The following FAM83A variants were observed in gnomAD, a reference collection of about 807,000 sequenced individuals.
FAM83A encodes scaffolding CK1 anchoring protein A, also known as protein FAM83A.
Under a neutral mutation model 24.4 loss-of-function variants are expected in FAM83A, and 21 were observed. The observed-to-expected ratio is 0.86, with a 90% confidence interval of 0.61 to 1.24. FAM83A has a LOEUF of 1.24. Among genes scored for constraint, FAM83A ranks in the 50% most tolerant of loss-of-function variants. FAM83A has a pLI of 0.00. For synonymous variants in FAM83A, 270 were observed against 252.4 expected, an observed-to-expected ratio of 1.07 and a Z score of -0.66; for missense variants, 617 against 579.8, an observed-to-expected ratio of 1.06 and a Z score of -0.66.
At chr8:123,206,073 G>A (rs983611173) in intron 3 of FAM83A, among the ~76,000 whole-genome samples, 3 of 151,746 alleles carry the variant, frequency 2.0e-5, no homozygotes, top group African/African-American at 4.8e-5. Context: ...AACCTGAGAG[G>A]CGGAGGTTGC....
chr8:123,207,541 C>A (rs774500355), exon 4 of FAM83A: 1 of 1,560,350 alleles, frequency 6.4e-7, no homozygotes, highest in Admixed American at 1.8e-5. Context: ...CCCACCTCTC[C>A]CCGCGGCCCC....
At chr8:123,196,132 C>T (rs905787957) in intron 3 of FAM83A, among the ~76,000 whole-genome samples, 1 of 152,228 alleles carries the variant, frequency 6.6e-6, no homozygotes, top group Non-Finnish European at 1.5e-5. Context: ...CTGCCTCAGC[C>T]TCCCTTGTAG....
At chr8:123,179,629 G>GGT (rs1823548482), upstream of FAM83A, 1 of 152,172 alleles carries the variant, frequency 6.6e-6, no homozygotes, top group African/African-American at 2.4e-5. Context: ...TAACATGTAC[G>GGT]GTGTGTTTGC....
chr8:123,202,104 C>T (rs16898132), intron 3 of FAM83A: 2,613 of 152,556 alleles, frequency 0.017, 89 homozygotes, highest in East Asian at 0.13. Flanking sequence ...TGGGTTTTCT[C>T]TCCCAGGAAC....
chr8:123,207,748 G>C, exon 4 of FAM83A: 5 of 1,409,456 alleles, frequency 3.5e-6, no homozygotes, highest in African/African-American at 1.5e-5. Flanking sequence ...GAGACCCAAA[G>C]ACCCACCTCA....
In FAM83A at chr8:123,191,875, C is replaced by T. The variant is rs754460595; in HGVS notation, c.553C>T (p.Arg185Cys). 8.7e-6 allele frequency: 14 copies of T among 1,614,102 alleles called. No individual in the cohort carries two copies. Among genetic ancestry groups the T allele is most frequent in the East Asian group, 4.5e-5 (2 of 44,882 alleles). The change falls in exon 2 of 4, where the codon CGT becomes TGT. Residue 185 changes from arginine (R) to cysteine (C), a missense_variant. Transcript: ENST00000690554. ...TGACATTCTAGAGGCAGCCAACAAG[C>T]GTGGGGTGTTCGTTTGTGTGCTCCT...
chr8:123,194,395 G>A (rs7814154), intron 3 of FAM83A, among the ~76,000 whole-genome samples: 27,588 of 152,118 alleles, frequency 0.18, 2,688 homozygotes, highest in Admixed American at 0.24. Flanking sequence ...GCAATAGGAC[G>A]TAGAATCCTC....
chr8:123,203,078 A>T (rs1308862158), intron 3 of FAM83A, among the ~76,000 whole-genome samples: 1 of 151,958 alleles, frequency 6.6e-6, no homozygotes, highest in Non-Finnish European at 1.5e-5. Context: ...GGAAAAAATA[A>T]CTCCCCGTAT....
chr8:123,191,288 C>G (rs1823964739), intron 1 of FAM83A, among the ~76,000 whole-genome samples: 1 of 152,164 alleles, frequency 6.6e-6, no homozygotes, highest in Non-Finnish European at 1.5e-5. Context: ...ACTCCCTTCT[C>G]CATCCCACGG....
At chr8:123,200,961 A>AT (rs1563787726) in intron 3 of FAM83A, among the ~76,000 whole-genome samples, 1,919 of 132,678 alleles carry the variant, frequency 0.014, 57 homozygotes, top group African/African-American at 0.053. Flanking sequence ...AATAAACAAA[A>AT]AAAAAAAATA....
At chr8:123,196,437 CT>C (rs998653211) in intron 3 of FAM83A, among the ~76,000 whole-genome samples, 2 of 152,218 alleles carry the variant, frequency 1.3e-5, no homozygotes, top group Admixed American at 6.5e-5. Flanking sequence ...CTTTGCTTTG[CT>C]TTTCCCCTTT....
Position 123,206,871 on chromosome 8 carries a change from G to A in FAM83A, c.774-286G>A, listed in dbSNP as rs149919774. 5.3e-3 allele frequency among the ~76,000 whole-genome samples: 802 copies of A among 152,148 alleles called. 9 individuals are homozygous for A. The highest frequency in any genetic ancestry group is 0.018 in the African/African-American group (748 of 41,518). On this transcript the variant is annotated intron_variant, in intron 3 of 3. Transcript: ENST00000690554. The stretch of plus-strand genomic sequence containing the variant: ...CCACAACTCCCAGACTGGTCCCCCA[G>A]GAGGATCTTGGGGCCTGGGCCGGCG...
At chr8:123,192,384 C>T (rs1329937297) in intron 2 of FAM83A, among the ~76,000 whole-genome samples, 2 of 152,168 alleles carry the variant, frequency 1.3e-5, no homozygotes, top group Admixed American at 6.5e-5. Context: ...CCAGGGATTG[C>T]ATCTTACAGG....
chr8:123,197,881 G>A (rs180832933), intron 3 of FAM83A, among the ~76,000 whole-genome samples: 15 of 152,332 alleles, frequency 9.8e-5, no homozygotes, highest in African/African-American at 3.4e-4. Flanking sequence ...TGTAATCCCA[G>A]CACTTTGACA....
intron 2 of FAM83A, chr8:123,192,814 C>A (rs1016617400): frequency 2.6e-5 from 4 of 152,328 alleles, no homozygotes; most frequent in Admixed American, 2.0e-4. Flanking sequence ...TTTGGCATGA[C>A]GTAGATCATA....
At chr8:123,187,147 C>T (rs1398346431) in intron 1 of FAM83A, among the ~76,000 whole-genome samples, 1 of 152,084 alleles carries the variant, frequency 6.6e-6, no homozygotes, top group African/African-American at 2.4e-5. Flanking sequence ...ATGCGAAAGT[C>T]AGGAGGTTTG....
upstream of FAM83A, chr8:123,182,443 G>C: frequency 2.5e-6 from 1 of 397,456 alleles, no homozygotes; most frequent in Non-Finnish European, 5.1e-6. Context: ...TCCTCCAGCT[G>C]GGCTGGTGGT....
exon 4 of FAM83A, chr8:123,208,360 A>G: frequency 1.0e-6 from 1 of 985,646 alleles, no homozygotes; most frequent in African/African-American, 1.7e-5. Context: ...GTTGGGTTGG[A>G]CAAGGCAGGT....
At chr8:123,196,767 G>C (rs1267243959) in intron 3 of FAM83A, among the ~76,000 whole-genome samples, 2 of 152,164 alleles carry the variant, frequency 1.3e-5, no homozygotes, top group Non-Finnish European at 2.9e-5. Flanking sequence ...CAGAAGGGAG[G>C]GGGTGTTGTA....
Sources: gnomAD v4.1 joint callset for allele counts (sites outside exome capture counted in the v4.1 genomes callset) on GRCh38, gnomAD v4.1.1 for gene constraint, MANE v1.5 for transcripts, NCBI Gene and HGNC (gene_info 2026-07-23, HGNC 2026-07-21) for gene names.